Variants in SLC44A5 observed in about 807,000 individuals in gnomAD.
SLC44A5 encodes the protein choline transporter-like protein 5.
SLC44A5 carries 57 observed loss-of-function variants against 101.8 expected under a neutral mutation model. That is an observed-to-expected ratio of 0.56 (90% confidence interval 0.45 to 0.70). The LOEUF (loss-of-function observed/expected upper bound fraction) is 0.70, where lower values mean the gene tolerates loss of function less well. SLC44A5 is among the 30% of genes least tolerant of loss of function. The pLI is 0.00. For missense variants in SLC44A5, 737 were observed against 853.1 expected, an observed-to-expected ratio of 0.86 and a Z score of 1.70; for synonymous variants, 281 against 290.9, an observed-to-expected ratio of 0.97 and a Z score of 0.35.
intron 1 of SLC44A5, among the ~76,000 whole-genome samples, chr1:75,578,090 T>G (rs1198674233): frequency 2.0e-5 from 3 of 152,132 alleles, no homozygotes; most frequent in Non-Finnish European, 4.4e-5. Flanking sequence ...AAAACTAGTT[T>G]TTAATAGCTT....
chr1:75,522,075 A>G (rs1670159241), intron 2 of SLC44A5: 1 of 152,244 alleles, frequency 6.6e-6, no homozygotes. Context: ...TGTTTAAAAG[A>G]GCTCAGATAT....
At chr1:75,376,851 A>G (rs901589126) in intron 3 of SLC44A5, among the ~76,000 whole-genome samples, 4 of 152,260 alleles carry the variant, frequency 2.6e-5, no homozygotes, top group African/African-American at 9.6e-5. Flanking sequence ...AGCTGAGAGC[A>G]GAAGGCTTCA....
At chr1:75,480,842 A>G (rs1162313399) in intron 2 of SLC44A5, among the ~76,000 whole-genome samples, 1 of 152,228 alleles carries the variant, frequency 6.6e-6, no homozygotes, top group Non-Finnish European at 1.5e-5. Context: ...GGTAATATAT[A>G]GATTCAATGC....
At chr1:75,566,799 T>C (rs535749885) in intron 1 of SLC44A5, among the ~76,000 whole-genome samples, 1 of 152,206 alleles carries the variant, frequency 6.6e-6, no homozygotes, top group African/African-American at 2.4e-5. Flanking sequence ...ACACCTTATG[T>C]TTATTTAATA....
At chr1:75,431,044 C>G (rs1664585141) in intron 2 of SLC44A5, among the ~76,000 whole-genome samples, 1 of 152,126 alleles carries the variant, frequency 6.6e-6, no homozygotes, top group Admixed American at 6.6e-5. Context: ...TTTTATCATA[C>G]ACCTGTACAG....
intron 3 of SLC44A5, among the ~76,000 whole-genome samples, chr1:75,350,466 C>G (rs1658562742): frequency 6.6e-6 from 1 of 151,492 alleles, no homozygotes; most frequent in Non-Finnish European, 1.5e-5. Flanking sequence ...AAGAAATATA[C>G]AAGCTCAAGT....
At chr1:75,353,693 A>G (rs1041191366) in intron 3 of SLC44A5, among the ~76,000 whole-genome samples, 2 of 152,220 alleles carry the variant, frequency 1.3e-5, no homozygotes, top group African/African-American at 4.8e-5. Flanking sequence ...AACTGACTTA[A>G]GAAGTGTTCT....
chr1:75,296,900 G>A (rs1049390856), intron 5 of SLC44A5, among the ~76,000 whole-genome samples: 1 of 152,144 alleles, frequency 6.6e-6, no homozygotes, highest in Non-Finnish European at 1.5e-5. Flanking sequence ...GGAATTTGGG[G>A]AAAGGCTTAA....
chr1:75,457,584 GCAGTGGCTCACTCTTGT>G (rs1241518732), intron 2 of SLC44A5, among the ~76,000 whole-genome samples: 4 of 152,330 alleles, frequency 2.6e-5, no homozygotes, highest in African/African-American at 9.6e-5. Flanking sequence ...GAGGCCAGGT[GCAGTGGCTCACTCTTGT>G]AATCTCAGCA....
chr1:75,465,144 A>C (rs1666745862), intron 2 of SLC44A5, among the ~76,000 whole-genome samples: 1 of 152,200 alleles, frequency 6.6e-6, no homozygotes, highest in Non-Finnish European at 1.5e-5. Flanking sequence ...TTAGGTCACA[A>C]AACTAGTCTT....
the SLC44A5 span, among the ~76,000 whole-genome samples, chr1:75,634,912 G>A: frequency 1.3e-5 from 2 of 152,058 alleles, no homozygotes; most frequent in Non-Finnish European, 2.9e-5. Context: ...TTACTCATCT[G>A]ACAAAGGGCT....
chr1:75,716,429 C>A, the SLC44A5 span, among the ~76,000 whole-genome samples: 1 of 152,110 alleles, frequency 6.6e-6, no homozygotes, highest in African/African-American at 2.4e-5. Flanking sequence ...CATGATCACG[C>A]CGCTGCACTC....
At chr1:75,690,243 C>T in the SLC44A5 span, among the ~76,000 whole-genome samples, 1 of 152,124 alleles carries the variant, frequency 6.6e-6, no homozygotes, top group Non-Finnish European at 1.5e-5. Context: ...CGAAACAAGG[C>T]ATGTCTTACA....
chr1:75,206,541 C>A, intron 23 of SLC44A5: 2 of 1,107,838 alleles, frequency 1.8e-6, no homozygotes, highest in Non-Finnish European at 1.3e-6. Flanking sequence ...GCAACATTTC[C>A]AAATTACAAT....
chr1:75,523,369 G>C (rs1454816863), intron 2 of SLC44A5, among the ~76,000 whole-genome samples: 1 of 152,128 alleles, frequency 6.6e-6, no homozygotes, highest in Non-Finnish European at 1.5e-5. Flanking sequence ...CTGGAGTGCA[G>C]TTGTGTGATC....
intron 2 of SLC44A5, among the ~76,000 whole-genome samples, chr1:75,494,403 T>C (rs1668569293): frequency 6.6e-6 from 1 of 152,236 alleles, no homozygotes; most frequent in South Asian, 2.1e-4. Context: ...CCAACTCTTA[T>C]AGCTAGTACC....
chr1:75,674,575 T>TAAGACTGGTTTCGAACTC, the SLC44A5 span, among the ~76,000 whole-genome samples: 1 of 151,642 alleles, frequency 6.6e-6, no homozygotes, highest in Non-Finnish European at 1.5e-5. Flanking sequence ...AGACAGGGTT[T>TAAGACTGGTTTCGAACTC]CATCATGTTG....
chr1:75,633,168 T>C, the SLC44A5 span, among the ~76,000 whole-genome samples: 5 of 152,176 alleles, frequency 3.3e-5, no homozygotes, highest in East Asian at 9.6e-4. Context: ...GCAAGCTCTT[T>C]GTTCTTTTGG....
chr1:75,449,742 C>T (rs917218185), intron 2 of SLC44A5, among the ~76,000 whole-genome samples: 1 of 152,136 alleles, frequency 6.6e-6, no homozygotes, highest in Admixed American at 6.5e-5. Context: ...GTGGCTCACG[C>T]CTGTAATCCT....
Sources: gnomAD v4.1 joint callset for allele counts (sites outside exome capture counted in the v4.1 genomes callset) on GRCh38, gnomAD v4.1.1 for gene constraint, MANE v1.5 for transcripts, NCBI Gene and HGNC (gene_info 2026-07-23, HGNC 2026-07-21) for gene names.